TFEC: variants seen among roughly 807,000 people sequenced by gnomAD.
TFEC encodes the protein class E basic helix-loop-helix protein 34.
Under a neutral mutation model 41.6 loss-of-function variants are expected in TFEC, and 31 were observed. The ratio of observed to expected loss-of-function variants is 0.74; its 90% CI spans 0.56 to 1.01. The LOEUF (loss-of-function observed/expected upper bound fraction) is 1.01. Among genes scored for constraint, TFEC ranks in the 50% least tolerant of loss-of-function variants. The probability of loss-of-function intolerance (pLI) is 0.00; values close to 1 mark genes in which losing one functional copy is unlikely to be tolerated. For missense variants in TFEC, 402 were observed against 404.1 expected (o/e 0.99, Z 0.04); for synonymous variants, 143 against 140.6 (o/e 1.02, Z -0.12).
intron 1 of TFEC, among the ~76,000 whole-genome samples, chr7:116,141,131 G>A (rs866264600): frequency 6.6e-6 from 1 of 152,146 alleles, no homozygotes; most frequent in Non-Finnish European, 1.5e-5. Context: ...AGTAAGTGCT[G>A]TAAGAGTTGT....
chr7:116,016,372 C>T lies in TFEC; in HGVS notation c.-73+14261G>A, dbSNP rs1319626106. ...TTCTTCTCTCTCTCCACATTCTTCC[C>T]ATAGAGGATCTCATCAGTGCTCATG... On this transcript the variant is annotated intron_variant, in intron 1 of 7. Transcript: ENST00000265440. 9.2e-5 allele frequency among the ~76,000 whole-genome samples: 14 copies of T among 152,144 alleles called. No individual in the cohort carries two copies. The East Asian group carries it at 2.7e-3, about 29-fold the overall frequency.
intron 3 of TFEC, among the ~76,000 whole-genome samples, chr7:115,962,559 T>C (rs1336619836): frequency 1.3e-5 from 2 of 151,818 alleles, no homozygotes. Flanking sequence ...CAAATGATTT[T>C]TGACAAAGGT....
At chr7:115,952,445 C>T (rs1306711323) in intron 5 of TFEC, among the ~76,000 whole-genome samples, 2 of 151,964 alleles carry the variant, frequency 1.3e-5, no homozygotes, top group East Asian at 3.9e-4. Flanking sequence ...CACATTAACT[C>T]TTATAAGCCA....
intron 3 of TFEC, among the ~76,000 whole-genome samples, chr7:116,049,003 G>C (rs1276465512): frequency 6.6e-6 from 1 of 152,128 alleles, no homozygotes; most frequent in Non-Finnish European, 1.5e-5. Flanking sequence ...GAAAGGAACA[G>C]CCAGTACCAG....
intron 3 of TFEC, among the ~76,000 whole-genome samples, chr7:116,103,259 T>A (rs1024592677): frequency 2.6e-5 from 4 of 152,170 alleles, no homozygotes; most frequent in African/African-American, 9.6e-5. Flanking sequence ...GAAGCTGTGA[T>A]CACTCAGAGC....
chr7:115,954,270 T>A (rs988586682), intron 5 of TFEC, among the ~76,000 whole-genome samples: 5 of 152,200 alleles, frequency 3.3e-5, no homozygotes, highest in East Asian at 3.9e-4. Context: ...AAAAGTCACT[T>A]TTATCTCTTT....
At chr7:116,032,300 A>G (rs548308243), upstream of TFEC, among the ~76,000 whole-genome samples, 1 of 152,306 alleles carries the variant, frequency 6.6e-6, no homozygotes, top group South Asian at 2.1e-4. Flanking sequence ...TAAAACCAGA[A>G]ATACCATTCA....
intron 1 of TFEC, among the ~76,000 whole-genome samples, chr7:116,018,863 A>G (rs1277526157): frequency 6.6e-6 from 1 of 152,212 alleles, no homozygotes; most frequent in Non-Finnish European, 1.5e-5. Flanking sequence ...TGTAAAAGCA[A>G]GAATCTGCAA....
At chr7:116,110,702 A>G in intron 3 of TFEC, 1 of 1,491,662 alleles carries the variant, frequency 6.7e-7, no homozygotes, top group East Asian at 2.6e-5. Flanking sequence ...GTATACAGAT[A>G]CATACCCTGG....
chr7:116,049,194 TAAAG>T (rs1309549220), intron 3 of TFEC, among the ~76,000 whole-genome samples: 1 of 152,022 alleles, frequency 6.6e-6, no homozygotes, highest in Non-Finnish European at 1.5e-5. Flanking sequence ...GCAAATTGGA[TAAAG>T]AGTCAAGAGC....
rs564898435 is a variant in TFEC at position 116,106,934 on chromosome 7, C to T, written c.198+3774G>A. Reference sequence around the variant, plus strand: ...TTTAATTGCATAGGCTGATCCTGTTCCCCATCAGAAACAGAATTTCCTACC... The same window carrying T: ...TTTAATTGCATAGGCTGATCCTGTTTCCCATCAGAAACAGAATTTCCTACC... On this transcript the variant is annotated intron_variant, in intron 3 of 8. Transcript: ENST00000484212. Among the ~76,000 whole-genome samples, 3 of 152,218 alleles carry T rather than the reference C, an allele frequency of 2.0e-5. No individual in the cohort carries two copies. In the South Asian group the frequency reaches 6.2e-4, roughly 32 times the overall value.
intron 3 of TFEC, among the ~76,000 whole-genome samples, chr7:116,082,503 G>A (rs547575722): frequency 1.3e-5 from 2 of 152,082 alleles, no homozygotes; most frequent in East Asian, 3.9e-4. Flanking sequence ...CTTTCTGTTA[G>A]TCATAAAAAC....
At chr7:116,132,720 G>A (rs1798356609) in intron 1 of TFEC, among the ~76,000 whole-genome samples, 1 of 152,182 alleles carries the variant, frequency 6.6e-6, no homozygotes, top group Non-Finnish European at 1.5e-5. Flanking sequence ...AAATGTTTTA[G>A]GAGACACCTC....
intron 3 of TFEC, among the ~76,000 whole-genome samples, chr7:116,052,195 T>A (rs1796327922): frequency 6.6e-6 from 1 of 151,916 alleles, no homozygotes; most frequent in Admixed American, 6.6e-5. Flanking sequence ...AGACTCAGAT[T>A]ATAGGAATGT....
chr7:115,955,884 A>G (rs1369571117), intron 4 of TFEC, among the ~76,000 whole-genome samples: 1 of 152,014 alleles, frequency 6.6e-6, no homozygotes, highest in Non-Finnish European at 1.5e-5. Flanking sequence ...ATTGAGCTTT[A>G]AGAGTGGTCA....
At chr7:115,998,193 G>C (rs34235058) in intron 1 of TFEC, among the ~76,000 whole-genome samples, 1 of 151,850 alleles carries the variant, frequency 6.6e-6, no homozygotes, top group African/African-American at 2.4e-5. Context: ...ATAAAGAAAG[G>C]ATCCTAAAAT....
intron 3 of TFEC, among the ~76,000 whole-genome samples, chr7:116,109,581 G>A (rs540372733): frequency 1.3e-5 from 2 of 152,314 alleles, no homozygotes; most frequent in South Asian, 2.1e-4. Flanking sequence ...AACGACAGAT[G>A]CTGGAGAGGA....
intron 1 of TFEC, among the ~76,000 whole-genome samples, chr7:115,985,523 T>G (rs982720736): frequency 6.6e-6 from 1 of 152,160 alleles, no homozygotes; most frequent in African/African-American, 2.4e-5. Flanking sequence ...TTTCCTTTTA[T>G]TTCAGTTACA....
At chr7:116,066,902 T>G in intron 3 of TFEC, among the ~76,000 whole-genome samples, 1 of 152,072 alleles carries the variant, frequency 6.6e-6, no homozygotes, top group Non-Finnish European at 1.5e-5. Flanking sequence ...GTACAGTTTA[T>G]GTAGAGGCCA....
Sources: allele counts gnomAD v4.1 joint callset (sites outside exome capture counted in the v4.1 genomes callset), GRCh38; gene constraint gnomAD v4.1.1; transcripts MANE v1.5; gene names NCBI Gene and HGNC (gene_info 2026-07-23, HGNC 2026-07-21).